RAD51B: variants seen among roughly 807,000 people sequenced by gnomAD.
The protein encoded by RAD51B is RAD51 paralog B.
A neutral mutation model predicts 42.2 loss-of-function variants in RAD51B; 38 were observed. That is an observed-to-expected ratio of 0.90 (90% confidence interval 0.70 to 1.18). The LOEUF (loss-of-function observed/expected upper bound fraction) is 1.18, where lower values mean the gene tolerates loss of function less well. RAD51B is among the 50% of genes most tolerant of loss of function. The pLI is 0.00. For synonymous variants in RAD51B, 154 were observed against 145.2 expected (o/e 1.06, Z -0.43); for missense variants, 373 against 400.7 (o/e 0.93, Z 0.59).
chr14:67,931,696 T>C (rs921887004), intron 7 of RAD51B, among the ~76,000 whole-genome samples: 1 of 151,940 alleles, frequency 6.6e-6, no homozygotes, highest in African/African-American at 2.4e-5. Flanking sequence ...TAGAGATGGG[T>C]TTCACCATGT....
chr14:68,652,229 C>T (rs979935695), intron 11 of RAD51B, among the ~76,000 whole-genome samples: 2 of 152,230 alleles, frequency 1.3e-5, no homozygotes, highest in Non-Finnish European at 2.9e-5. Context: ...CCGCAGTCTG[C>T]GCTCCAGATG....
intron 7 of RAD51B, among the ~76,000 whole-genome samples, chr14:67,901,716 A>G (rs550312402): frequency 1.3e-5 from 2 of 152,360 alleles, no homozygotes; most frequent in Admixed American, 1.3e-4. Context: ...TATATACACA[A>G]TGGAATACTA....
downstream of RAD51B, among the ~76,000 whole-genome samples, chr14:68,613,251 A>G (rs112708785): frequency 0.068 from 10,365 of 152,094 alleles, 509 homozygotes; most frequent in Non-Finnish European, 0.11. Context: ...CCCTGTCTAT[A>G]CTAATAATAC....
chr14:68,512,594 T>G (rs1450427193), intron 10 of RAD51B, among the ~76,000 whole-genome samples: 5 of 152,212 alleles, frequency 3.3e-5, no homozygotes, highest in Non-Finnish European at 5.9e-5. Flanking sequence ...GCCCCCACAC[T>G]CTAGGTGAGC....
intron 7 of RAD51B, among the ~76,000 whole-genome samples, chr14:68,084,943 G>T (rs1050422468): frequency 1.3e-5 from 2 of 152,176 alleles, no homozygotes; most frequent in Non-Finnish European, 2.9e-5. Flanking sequence ...CCTGGGTTTT[G>T]GTAGTGACAG....
intron 8 of RAD51B, among the ~76,000 whole-genome samples, chr14:68,318,758 C>T (rs1213244118): frequency 6.6e-6 from 1 of 152,140 alleles, no homozygotes; most frequent in Non-Finnish European, 1.5e-5. Flanking sequence ...GGTTAATTTC[C>T]TAGTATTTAG....
intron 7 of RAD51B, among the ~76,000 whole-genome samples, chr14:68,158,862 G>C (rs1595487493): frequency 6.6e-6 from 1 of 152,230 alleles, no homozygotes; most frequent in East Asian, 1.9e-4. Flanking sequence ...GAGAATGAAA[G>C]ATAAATTCTC....
At chr14:68,101,037 G>A (rs1057212275) in intron 7 of RAD51B, among the ~76,000 whole-genome samples, 1 of 152,184 alleles carries the variant, frequency 6.6e-6, no homozygotes, top group Admixed American at 6.5e-5. Context: ...CATGGTGGCA[G>A]GAGAGAGAAG....
chr14:68,625,115 C>T (rs1479958238), intron 10 of RAD51B, among the ~76,000 whole-genome samples: 1 of 152,156 alleles, frequency 6.6e-6, no homozygotes, highest in Non-Finnish European at 1.5e-5. Flanking sequence ...AGTCCCAGCC[C>T]TAGTGCCCAC....
intron 7 of RAD51B, among the ~76,000 whole-genome samples, chr14:67,965,743 C>T (rs1429773342): frequency 6.6e-6 from 1 of 152,108 alleles, no homozygotes; most frequent in Non-Finnish European, 1.5e-5. Context: ...TGCTTTTGAT[C>T]ATGCCTTTCC....
intron 7 of RAD51B, among the ~76,000 whole-genome samples, chr14:68,008,875 T>C (rs1290048986): frequency 6.6e-6 from 1 of 152,002 alleles, no homozygotes; most frequent in African/African-American, 2.4e-5. Flanking sequence ...TTTTCCTCCC[T>C]CATTGATTAT....
intron 7 of RAD51B, among the ~76,000 whole-genome samples, chr14:68,198,727 T>A (rs1175183451): frequency 6.6e-6 from 1 of 152,226 alleles, no homozygotes; most frequent in African/African-American, 2.4e-5. Flanking sequence ...TTTTTATTAT[T>A]ATTTCTATAT....
chr14:68,343,169 C>T (rs1001660078), intron 8 of RAD51B, among the ~76,000 whole-genome samples: 1 of 152,104 alleles, frequency 6.6e-6, no homozygotes, highest in South Asian at 2.1e-4. Context: ...ACTCTCTTAA[C>T]AATTTTCAAA....
chr14:68,015,597 CG>C (rs1566579946), intron 7 of RAD51B, among the ~76,000 whole-genome samples: 1 of 152,080 alleles, frequency 6.6e-6, no homozygotes, highest in African/African-American at 2.4e-5. Context: ...CATCAGATTT[CG>C]GGAGACTTAT....
intron 7 of RAD51B, among the ~76,000 whole-genome samples, chr14:68,077,787 C>T (rs1053850577): frequency 2.0e-5 from 3 of 152,176 alleles, no homozygotes; most frequent in Non-Finnish European, 4.4e-5. Context: ...GAAACCCTGT[C>T]TCTACTAAAA....
At chr14:68,480,177 A>G (rs1478222489), downstream of RAD51B, among the ~76,000 whole-genome samples, 1 of 152,014 alleles carries the variant, frequency 6.6e-6, no homozygotes, top group African/African-American at 2.4e-5. Flanking sequence ...GGTTCAAGCA[A>G]TTCTCCTGCC....
chr14:68,433,616 C>T (rs1228615273), intron 9 of RAD51B, among the ~76,000 whole-genome samples: 4 of 152,178 alleles, frequency 2.6e-5, no homozygotes, highest in Non-Finnish European at 5.9e-5. Flanking sequence ...TTAAGGACTT[C>T]TCTACACTGG....
intron 7 of RAD51B, among the ~76,000 whole-genome samples, chr14:67,893,509 C>CAAAAAA (rs71129863): frequency 4.8e-5 from 4 of 83,770 alleles, no homozygotes; most frequent in African/African-American, 1.4e-4. Flanking sequence ...CACACACACA[C>CAAAAAA]AAAAAAAAAC....
intron 7 of RAD51B, among the ~76,000 whole-genome samples, chr14:68,142,283 C>T (rs560350485): frequency 3.3e-5 from 5 of 152,202 alleles, no homozygotes; most frequent in Admixed American, 6.5e-5. Context: ...CATCTACCTA[C>T]CCCTCCACTC....
Sources: allele counts gnomAD v4.1 joint callset (sites outside exome capture counted in the v4.1 genomes callset), GRCh38; gene constraint gnomAD v4.1.1; transcripts MANE v1.5; gene names NCBI Gene and HGNC (gene_info 2026-07-23, HGNC 2026-07-21).